The following CNDP1 variants were observed in gnomAD, a reference collection of about 807,000 sequenced individuals.
CNDP1 encodes beta-Ala-His dipeptidase.
Under a neutral mutation model 58.1 loss-of-function variants are expected in CNDP1, and 44 were observed. That is an observed-to-expected ratio of 0.76 (90% confidence interval 0.60 to 0.97). The LOEUF (loss-of-function observed/expected upper bound fraction) is 0.97, where lower values mean the gene tolerates loss of function less well. Ranked by LOEUF, CNDP1 falls within the 50% of genes least tolerant of loss-of-function variation. The probability of loss-of-function intolerance (pLI) is 0.00; values close to 1 mark genes in which losing one functional copy is unlikely to be tolerated. For missense variants in CNDP1, 616 were observed against 655.1 expected, an observed-to-expected ratio of 0.94 and a Z score of 0.65; for synonymous variants, 254 against 252.6, an observed-to-expected ratio of 1.01 and a Z score of -0.05.
intron 10 of CNDP1, among the ~76,000 whole-genome samples, chr18:74,581,238 G>A (rs1416407346): frequency 7.9e-5 from 12 of 151,544 alleles, no homozygotes; most frequent in Admixed American, 2.0e-4. Context: ...GTGTGTGTGT[G>A]TGTGTGTGTG....
intron 5 of CNDP1, among the ~76,000 whole-genome samples, chr18:74,565,500 T>C (rs532723546): frequency 6.6e-6 from 1 of 152,276 alleles, no homozygotes; most frequent in East Asian, 1.9e-4. Flanking sequence ...GTTGGGTAAA[T>C]ATAGCTGTTC....
At chr18:74,572,708 A>G (rs1981509988) in intron 7 of CNDP1, among the ~76,000 whole-genome samples, 1 of 147,134 alleles carries the variant, frequency 6.8e-6, no homozygotes, top group Non-Finnish European at 1.5e-5. Context: ...GGGTCGCTTG[A>G]GCCCGGAAGG....
At chr18:74,574,058 C>T (rs1307821448) in intron 7 of CNDP1, among the ~76,000 whole-genome samples, 1 of 152,220 alleles carries the variant, frequency 6.6e-6, no homozygotes, top group African/African-American at 2.4e-5. Context: ...GATGCCCGGA[C>T]TTCCAGGGAC....
intron 7 of CNDP1, among the ~76,000 whole-genome samples, chr18:74,573,105 T>C (rs1324036183): frequency 6.6e-6 from 1 of 152,096 alleles, no homozygotes; most frequent in East Asian, 1.9e-4. Flanking sequence ...TCTATCCATC[T>C]ATCTTTCTAT....
At chr18:74,567,053 TACTC>T (rs1981346022) in intron 5 of CNDP1, 176 bp from the exon 6 acceptor site, 21 of 602,778 alleles carry the variant, frequency 3.5e-5, no homozygotes, top group East Asian at 3.1e-4. Context: ...TCATGAGACT[TACTC>T]ACTATCACGA....
intron 1 of CNDP1, among the ~76,000 whole-genome samples, chr18:74,550,097 G>T (rs1056309164): frequency 6.6e-6 from 1 of 152,226 alleles, no homozygotes; most frequent in African/African-American, 2.4e-5. Flanking sequence ...TATGGGGTTG[G>T]AGTCCCCACA....
At chr18:74,556,586 C>A in intron 2 of CNDP1, 120 bp downstream of exon 2, 2 of 1,095,940 alleles carry the variant, frequency 1.8e-6, no homozygotes, top group Non-Finnish European at 2.7e-6. Context: ...ATTTAAAATG[C>A]CTATGACTGC....
chr18:74,545,641 C>A lies in CNDP1; in HGVS notation c.25-10697C>A, dbSNP rs1980739830. On this transcript the variant is annotated intron_variant, in intron 1 of 11. Coordinates refer to ENST00000358821, the MANE Select transcript of CNDP1 (RefSeq NM_032649.6). The surrounding 1 kb of genome is among the most constrained non-coding windows in gnomAD (Gnocchi z 4.1). ...CCAGTCCACGTCTCTCTCAACTCCC[C>A]ACTCCCTCCGACCCTCCTCCTCCTC... Among the ~76,000 whole-genome samples the A allele has an allele frequency of 6.6e-6, 1 of 152,126 alleles. No individual in the cohort carries two copies. Among genetic ancestry groups the A allele is most frequent in the Admixed American group, 6.5e-5 (1 of 15,274 alleles).
At chr18:74,580,007 TC>T (rs1211025384) in intron 9 of CNDP1, 122 bp from the exon 10 acceptor site, 2 of 844,806 alleles carry the variant, frequency 2.4e-6, no homozygotes. Context: ...GGCTGGGGCT[TC>T]AGTTTCTTGA....
chr18:74,535,004 T>TA (rs149511620), intron 1 of CNDP1, among the ~76,000 whole-genome samples: 15,822 of 152,132 alleles, frequency 0.1, 885 homozygotes, highest in Middle Eastern at 0.17. Context: ...TTTTTCTCTT[T>TA]AAAAAAAATG....
At chr18:74,548,877 C>A (rs1318874399) in intron 1 of CNDP1, among the ~76,000 whole-genome samples, 1 of 152,142 alleles carries the variant, frequency 6.6e-6, no homozygotes, top group African/African-American at 2.4e-5. Flanking sequence ...GTGTTCATGC[C>A]CTAAGGATCT....
intron 6 of CNDP1, among the ~76,000 whole-genome samples, chr18:74,568,574 G>A (rs1981389565): frequency 6.6e-6 from 1 of 152,098 alleles, no homozygotes; most frequent in Non-Finnish European, 1.5e-5. Context: ...GAGAACGAAG[G>A]CACTGAGGAG....
At chr18:74,578,446 A>C (rs1294070896) in intron 9 of CNDP1, 119 bp downstream of exon 9, 1 of 1,005,504 alleles carries the variant, frequency 9.9e-7, no homozygotes, top group Non-Finnish European at 1.5e-6. Context: ...TTTCCAACAC[A>C]AGAGGAGTGG....
intron 11 of CNDP1, chr18:74,584,052 G>A (rs1354947115): frequency 3.3e-6 from 1 of 306,338 alleles, no homozygotes; most frequent in Non-Finnish European, 6.1e-6. Flanking sequence ...TCCAGGCCCT[G>A]TCTCCAAATA....
At position 74,569,600 on chromosome 18, in the gene CNDP1, G is replaced by A. The variant is rs187157789; in HGVS notation, c.757-1586G>A. Among the ~76,000 whole-genome samples the A allele has an allele frequency of 1.4e-4, 21 of 152,218 alleles. No homozygotes were observed. In the East Asian group the frequency reaches 3.5e-3, roughly 25 times the overall value. On this transcript the variant is annotated intron_variant, in intron 6 of 11. Transcript: ENST00000358821. The stretch of plus-strand genomic sequence containing the variant: ...ATAGCATCTCTGCCCTTAAATTAGC[G>A]TGAGCACCGCATGGTCAGAGATAAC...
intron 10 of CNDP1, among the ~76,000 whole-genome samples, chr18:74,582,497 CA>C (rs1184048943): frequency 2.0e-5 from 3 of 152,048 alleles, no homozygotes; most frequent in South Asian, 4.1e-4. Flanking sequence ...TATCTGTCAC[CA>C]AAAAACCCAA....
chr18:74,561,157 G>GT lies in CNDP1; in HGVS notation c.466+140dup, dbSNP rs1430120897. 7.6e-6 allele frequency: 8 copies of GT among 1,058,646 alleles called. No individual in the cohort carries two copies. The African/African-American group carries it at 1.3e-4, about 17-fold the overall frequency. 65.6% of individuals were successfully genotyped at this position (1,058,646 alleles called of 1,614,324 possible). A position where few individuals can be genotyped will look rare whatever the true frequency, so the allele number is the denominator to read the frequency against. On this transcript the variant is annotated intron_variant, in intron 4 of 11. Coordinates refer to ENST00000358821, the MANE Select transcript of CNDP1 (RefSeq NM_032649.6). The stretch of plus-strand genomic sequence containing the variant: ...AGGCCGGGTGCGGTGGCTCACGCTT[G>GT]TAATCCCAGCACTTTGGGAAGCCAA...
intron 7 of CNDP1, among the ~76,000 whole-genome samples, chr18:74,572,434 G>C (rs1981502202): frequency 6.6e-6 from 1 of 152,096 alleles, no homozygotes; most frequent in Non-Finnish European, 1.5e-5. Flanking sequence ...CATTACCTAT[G>C]CTTTAGACCC....
Position 74,556,361 on chromosome 18 carries a change from GC to G in CNDP1, c.49del (p.Leu17CysfsTer19), listed in dbSNP as rs757153044. ...AGGCTGCGTCCCTGCTGGCTGTGCT[GC>G]TGCTGCTGCTGGAGCGCGGCATGTT... Reference protein sequence around the residue: ...RMAASLLAVLLLLLERGMFSS... With the variant: ...RMAASLLAVLXLLLERGMFSS... On this transcript the variant is annotated frameshift_variant, in exon 2 of 12. Coordinates refer to ENST00000358821, the MANE Select transcript of CNDP1 (RefSeq NM_032649.6). LOFTEE classifies it high-confidence loss of function. 80 of 1,612,242 alleles carry G rather than the reference GC, an allele frequency of 5.0e-5. No homozygotes were observed. Among genetic ancestry groups the G allele is most frequent in the Non-Finnish European group, 6.5e-5 (77 of 1,178,578 alleles).
Sources: gnomAD v4.1 joint callset for allele counts (sites outside exome capture counted in the v4.1 genomes callset) on GRCh38, gnomAD v4.1.1 for gene constraint, Gnocchi (gnomAD v3.1) non-coding constraint, MANE v1.5 for transcripts, NCBI Gene and HGNC (gene_info 2026-07-23, HGNC 2026-07-21) for gene names.